MELTF: variants seen among roughly 807,000 people sequenced by gnomAD.
MELTF encodes the protein melanotransferrin.
Under a neutral mutation model 83.7 loss-of-function variants are expected in MELTF, and 67 were observed. The observed-to-expected ratio is 0.80, with a 90% confidence interval of 0.66 to 0.98. MELTF has a LOEUF of 0.98. MELTF is among the 50% of genes least tolerant of loss of function. The pLI is 0.00. For missense variants in MELTF, 1,002 were observed against 1,035.6 expected (o/e 0.97, Z 0.44); for synonymous variants, 462 against 447.6 (o/e 1.03, Z -0.41).
chr3:197,026,683 A>G lies in MELTF; in HGVS notation c.281T>C (p.Val94Ala), dbSNP rs766200762. The change falls in exon 3 of 16, where the codon GTG (valine) becomes GCG (alanine). Residue 94 changes from valine to alanine, a missense_variant. Coordinates refer to ENST00000296350, the MANE Select transcript of MELTF (RefSeq NM_005929.6). ...ACCTTGATCGTACACTTCGCCCACC[A>G]CCGGCTTCAGGCCGTGCTCCTTTCC... ...EAGKEHGLKP[V>A]VGEVYDQEVG... The G allele has an allele frequency of 1.9e-6, 3 of 1,613,350 alleles. No individual in the cohort carries two copies. The South Asian group carries it at 3.3e-5, about 18-fold the overall frequency.
chr3:197,019,299 C>T, intron 6 of MELTF: 1 of 1,062,148 alleles, frequency 9.4e-7, no homozygotes, highest in Non-Finnish European at 1.1e-6. Context: ...CCATCAGCCA[C>T]TCCCGCTTCT....
At chr3:197,027,666 T>G (rs1001797742) in intron 2 of MELTF, 90 bp downstream of exon 2, 4 of 1,429,462 alleles carry the variant, frequency 2.8e-6, no homozygotes, top group East Asian at 2.5e-5. Flanking sequence ...CAGGGCGAGG[T>G]CGGCTCCTTT....
Position 197,016,251 on chromosome 3 carries a change from T to C in MELTF, c.1019A>G (p.Tyr340Cys), listed in dbSNP as rs1187889825. The change falls in exon 8 of 16, where the codon TAT (tyrosine) becomes TGT (cysteine). Residue 340 changes from tyrosine to cysteine, a missense_variant. By Grantham distance (194) the Tyr-to-Cys change is radical. Transcript: ENST00000296350. ...GTACTCATGGCCCAGCCACGCCTCA[T>C]AGGTCTGTGTGGCGATGGGCACAAG... Reference protein sequence around the residue: ...SELVPIATQTYEAWLGHEYLH... With the variant: ...SELVPIATQTCEAWLGHEYLH... 2.5e-6 allele frequency: 4 copies of C among 1,611,806 alleles called. No individual in the cohort carries two copies. The highest frequency in any genetic ancestry group is 2.7e-5 in the African/African-American group (2 of 74,802).
Position 197,022,819 on chromosome 3 carries a change from A to G in MELTF, c.644+138T>C, listed in dbSNP as rs1361311406. ...AACTAACCAGGGCACAGAACTATAT[A>G]AAGGGTGCTTTGATGAGACGCAGCC... On this transcript the variant is annotated intron_variant, in intron 5 of 15. Transcript: ENST00000296350. This position sits in a 1 kb window ranked among gnomAD's most constrained non-coding sequence, Gnocchi z 5.1. 4 of 797,632 alleles carry G rather than the reference A, an allele frequency of 5.0e-6. No homozygotes were observed. The African/African-American group carries it at 5.2e-5, about 10-fold the overall frequency. The allele number at this position is 797,632 out of a possible 1,614,324, so 49.4% of individuals were successfully genotyped here. A position where few individuals can be genotyped will look rare whatever the true frequency, so the allele number is the denominator to read the frequency against.
At chr3:197,016,899 C>T (rs755557018) in intron 7 of MELTF, among the ~76,000 whole-genome samples, 3 of 152,212 alleles carry the variant, frequency 2.0e-5, no homozygotes, top group Non-Finnish European at 4.4e-5. Context: ...CTGGGTCCCC[C>T]TCCTCTGGGC....
In MELTF at chr3:197,008,793, C is replaced by T. The variant is rs752751406; in HGVS notation, c.1682+16G>A. 6.2e-7 allele frequency: 1 copy of T among 1,614,020 alleles called. No homozygotes were observed. Among genetic ancestry groups the T allele is most frequent in the East Asian group, 2.2e-5 (1 of 44,880 alleles). On this transcript the variant is annotated intron_variant, in intron 12 of 15. Transcript: ENST00000296350. The surrounding 1 kb of genome is among the most constrained non-coding windows in gnomAD (Gnocchi z 5.4). ...GCCTCTGCACACAGCCCCAGACTGCCAGGCCACCCGGGTACCTGAAGGCGC... is the reference window on the plus strand; with the variant it reads ...GCCTCTGCACACAGCCCCAGACTGCTAGGCCACCCGGGTACCTGAAGGCGC...
At chr3:197,004,168 T>C in intron 14 of MELTF, 69 bp from the exon 15 acceptor site, 1 of 1,448,542 alleles carries the variant, frequency 6.9e-7, no homozygotes, top group South Asian at 1.1e-5. Context: ...CCAGTGCCGC[T>C]AGCTGCAAAT....
intron 6 of MELTF, among the ~76,000 whole-genome samples, chr3:197,020,869 A>G (rs1030853270): frequency 1.3e-5 from 2 of 152,026 alleles, no homozygotes; most frequent in African/African-American, 4.8e-5. Flanking sequence ...GGATTTCACC[A>G]TGTTGGCCAG....
chr3:197,004,213 T>G (rs1718895144), intron 14 of MELTF, 114 bp from the exon 15 acceptor site: 4 of 963,506 alleles, frequency 4.2e-6, no homozygotes, highest in Non-Finnish European at 6.6e-6. Context: ...AGCAAGTCAT[T>G]TCAGGGCCCC....
Position 197,017,099 on chromosome 3 carries a change from C to T in MELTF, c.900+4G>A. On this transcript the variant is annotated splice_donor_region_variant and intron_variant, in intron 7 of 15. Transcript: ENST00000296350. ...TGCAGGTGGTTGGGGGACCCTGAGC[C>T]CACCTGGCCTTCGTTGAGCAGCCGG... The T allele has an allele frequency of 1.9e-6, 3 of 1,610,608 alleles. No homozygotes were observed. Among genetic ancestry groups the T allele is most frequent in the Non-Finnish European group, 2.5e-6 (3 of 1,179,234 alleles).
intron 9 of MELTF, among the ~76,000 whole-genome samples, chr3:197,014,076 G>A (rs1719273778): frequency 6.6e-6 from 1 of 152,160 alleles, no homozygotes; most frequent in Admixed American, 6.5e-5. Context: ...TCGCAGCACT[G>A]GCCACAATAG....
intron 9 of MELTF, 105 bp from the exon 10 acceptor site, chr3:197,010,899 C>T (rs1719165976): frequency 1.1e-6 from 1 of 944,230 alleles, no homozygotes; most frequent in Non-Finnish European, 1.7e-6. Context: ...GGTTTGTGGC[C>T]TCAGGCTTCC....
chr3:197,024,436 A>G lies in MELTF; in HGVS notation c.354T>C (p.His118=), dbSNP rs200457348. The G allele has an allele frequency of 1.5e-5, 24 of 1,608,742 alleles. No individual in the cohort carries two copies. The Admixed American group carries it at 3.2e-4, about 21-fold the overall frequency. ...YAVAVVRRSS[H]VTIDTLKGVK... ...CGCCTTTCAGGGTGTCAATGGTCAC[A>G]TGGGAGCTCCTCCTGACCACAGCCA... The change falls in exon 4 of 16, where the codon CAT becomes CAC. Residue 118 remains histidine, a synonymous_variant. Coordinates refer to ENST00000296350, the MANE Select transcript of MELTF (RefSeq NM_005929.6). This position sits in a 1 kb window ranked among gnomAD's most constrained non-coding sequence, Gnocchi z 5.3.
chr3:197,017,598 C>G (rs769943526), intron 6 of MELTF, among the ~76,000 whole-genome samples: 1 of 152,208 alleles, frequency 6.6e-6, no homozygotes, highest in Admixed American at 6.5e-5. Flanking sequence ...GAAAGGCTGG[C>G]CGGGCGTGGT....
rs976390826 is a variant in MELTF at position 197,011,252 on chromosome 3, G to A, written c.1234-458C>T. 6.6e-6 allele frequency among the ~76,000 whole-genome samples: 1 copy of A among 152,196 alleles called. No individual in the cohort carries two copies. Among genetic ancestry groups the A allele is most frequent in the East Asian group, 1.9e-4 (1 of 5,174 alleles). ...ATGGAAGAATGACCGGATCTGAAAC[G>A]ATGGCAGTCTCAGGGCCTGGGGAGG... is the stretch of plus-strand genomic sequence containing the variant. On this transcript the variant is annotated intron_variant, in intron 9 of 15. Coordinates refer to ENST00000296350, the MANE Select transcript of MELTF (RefSeq NM_005929.6). This position sits in a 1 kb window ranked among gnomAD's most constrained non-coding sequence, Gnocchi z 4.2.
rs1338295848 is a variant in MELTF, at chr3:197,029,473, C to T, written c.49+181G>A. On this transcript the variant is annotated intron_variant, in intron 1 of 15. Coordinates refer to ENST00000296350, the MANE Select transcript of MELTF (RefSeq NM_005929.6). This position sits in a 1 kb window ranked among gnomAD's most constrained non-coding sequence, Gnocchi z 6.5. ...CCTCCAAGAAGCCTTCCAGACTTCC[C>T]CGTCTGCGCTTCAGTGCTAGTTCCC... 1.3e-5 allele frequency among the ~76,000 whole-genome samples: 2 copies of T among 152,152 alleles called. No homozygotes were observed. The highest frequency in any genetic ancestry group is 2.9e-5 in the Non-Finnish European group (2 of 68,014).
intron 1 of MELTF, 159 bp from the exon 2 acceptor site, chr3:197,028,069 CAG>C (rs781350606): frequency 3.9e-4 from 308 of 787,182 alleles, no homozygotes; most frequent in Admixed American, 6.0e-4. Flanking sequence ...GGCGCAGAGA[CAG>C]GGGAAGGGCT....
At position 197,010,817 on chromosome 3, in the gene MELTF, C is replaced by T. The variant is rs371378081; in HGVS notation, c.1234-23G>A. The T allele has an allele frequency of 3.1e-6, 5 of 1,610,774 alleles. No individual in the cohort carries two copies. The African/African-American group carries it at 6.7e-5, about 22-fold the overall frequency. On this transcript the variant is annotated intron_variant, in intron 9 of 15. Coordinates refer to ENST00000296350, the MANE Select transcript of MELTF (RefSeq NM_005929.6). The stretch of plus-strand genomic sequence containing the variant: ...AGCCTGAAGGGAATAGAAGAAGCCA[C>T]TGGGCCGGGGTGGGCCCAGGATGGC...
At chr3:197,015,319 C>A (rs1408798917) in intron 9 of MELTF, 46 bp downstream of exon 9, 2 of 1,526,262 alleles carry the variant, frequency 1.3e-6, no homozygotes, top group East Asian at 2.5e-5. Flanking sequence ...CCAGGCACTG[C>A]CACCACCCGC....
Sources: allele counts gnomAD v4.1 joint callset (sites outside exome capture counted in the v4.1 genomes callset), GRCh38; gene constraint gnomAD v4.1.1; non-coding constraint Gnocchi (gnomAD v3.1); transcripts MANE v1.5; gene names NCBI Gene and HGNC (gene_info 2026-07-23, HGNC 2026-07-21).